The following MLLT10 variants were observed in gnomAD, a reference collection of about 807,000 sequenced individuals.
MLLT10 encodes protein AF-10.
MLLT10 carries 30 observed loss-of-function variants against 129.1 expected under a neutral mutation model. The observed-to-expected ratio is 0.23, with a 90% CI of 0.17 to 0.32. The LOEUF (loss-of-function observed/expected upper bound fraction) is 0.32, where lower values mean the gene tolerates loss of function less well. MLLT10 is among the 10% of genes least tolerant of loss of function. MLLT10 has a pLI of 1.00. For synonymous variants in MLLT10, 490 were observed against 446.4 expected (o/e 1.10, Z -1.23); for missense variants, 1,119 against 1,268.3 (o/e 0.88, Z 1.79).
chr10:21,668,648 C>A (rs114801302), intron 9 of MLLT10, among the ~76,000 whole-genome samples: 1 of 152,012 alleles, frequency 6.6e-6, no homozygotes, highest in Non-Finnish European at 1.5e-5. Flanking sequence ...ATTCATTGCT[C>A]TCTTTGTAAT....
intron 8 of MLLT10, among the ~76,000 whole-genome samples, chr10:21,618,633 G>T (rs908937843): frequency 6.6e-6 from 1 of 151,910 alleles, no homozygotes; most frequent in Non-Finnish European, 1.5e-5. Flanking sequence ...CTGTTGTTTG[G>T]CATTTATTTA....
chr10:21,597,055 A>G (rs1226667577), intron 5 of MLLT10, among the ~76,000 whole-genome samples: 1 of 151,902 alleles, frequency 6.6e-6, no homozygotes, highest in Non-Finnish European at 1.5e-5. Context: ...GTTTTTAAAA[A>G]CCTTGTTTTT....
chr10:21,673,762 G>C lies in MLLT10; in HGVS notation c.1464G>C (p.Glu488Asp). 1 of 1,614,126 alleles carries C rather than the reference G, an allele frequency of 6.2e-7. No individual in the cohort carries two copies. Among genetic ancestry groups the C allele is most frequent in the East Asian group, 2.2e-5 (1 of 44,874 alleles). Residue 488 changes from glutamate (E) to aspartate (D), a missense_variant, in exon 11 of 23, where the codon GAG becomes GAC. Around this residue, in one of 5 missense-constraint regions of MLLT10, gnomAD observed 1,004 missense variants for 1,008.7 expected, o/e 1.00. Transcript: ENST00000307729. Reference protein sequence around the residue: ...PGRPKGNKNQENVSHLSVSSA... With the variant: ...PGRPKGNKNQDNVSHLSVSSA... Reference sequence around the variant, plus strand: ...GACCCAAAGGAAACAAAAATCAAGAGAATGTTTCTCATCTCTCAGTTTCTT... The same window carrying C: ...GACCCAAAGGAAACAAAAATCAAGACAATGTTTCTCATCTCTCAGTTTCTT...
chr10:21,538,829 A>T lies in MLLT10; in HGVS notation c.161-4A>T. Reference sequence around the variant, plus strand: ...ACATTTTAACACATTTCATTTTTCAACAGCTTGCTATGGCATTGTTCAAGT... The same window carrying T: ...ACATTTTAACACATTTCATTTTTCATCAGCTTGCTATGGCATTGTTCAAGT... On this transcript the variant is annotated splice_region_variant and splice_polypyrimidine_tract_variant and intron_variant, in intron 2 of 22. Coordinates refer to ENST00000307729, the MANE Select transcript of MLLT10 (RefSeq NM_001195626.3). 6.2e-7 allele frequency: 1 copy of T among 1,606,466 alleles called. No individual in the cohort carries two copies. The highest frequency in any genetic ancestry group is 1.1e-5 in the South Asian group (1 of 89,782).
At chr10:21,648,506 G>A (rs189800399) in intron 8 of MLLT10, among the ~76,000 whole-genome samples, 1 of 152,254 alleles carries the variant, frequency 6.6e-6, no homozygotes, top group Admixed American at 6.5e-5. Flanking sequence ...AATTATCTCA[G>A]CTCTTATAAC....
intron 5 of MLLT10, among the ~76,000 whole-genome samples, chr10:21,610,902 T>A (rs542808050): frequency 6.6e-6 from 1 of 151,852 alleles, no homozygotes; most frequent in East Asian, 1.9e-4. Flanking sequence ...TTTGTTGTTA[T>A]TTGGGATTTT....
chr10:21,731,982 T>A (rs1589876186), intron 17 of MLLT10, among the ~76,000 whole-genome samples: 1 of 152,210 alleles, frequency 6.6e-6, no homozygotes, highest in Non-Finnish European at 1.5e-5. Context: ...CATGCCAGGC[T>A]AATCCTTTAA....
chr10:21,587,479 T>TC (rs1376804926), intron 4 of MLLT10, among the ~76,000 whole-genome samples: 1 of 151,724 alleles, frequency 6.6e-6, no homozygotes, highest in Admixed American at 6.6e-5. Flanking sequence ...TGGTATGCTT[T>TC]CCTATGAACC....
At chr10:21,598,490 T>A (rs575826916) in intron 5 of MLLT10, among the ~76,000 whole-genome samples, 37 of 152,334 alleles carry the variant, frequency 2.4e-4, no homozygotes, top group African/African-American at 8.9e-4. Context: ...TTATTGCTAC[T>A]CTCAGTCAGC....
intron 7 of MLLT10, 85 bp downstream of exon 7, chr10:21,615,009 A>C: frequency 1.8e-6 from 2 of 1,112,328 alleles, no homozygotes; most frequent in South Asian, 3.3e-5. Flanking sequence ...AAAGCATATA[A>C]CAGTTCCTTT....
intron 8 of MLLT10, among the ~76,000 whole-genome samples, chr10:21,642,268 G>A (rs947027221): frequency 6.6e-6 from 1 of 152,152 alleles, no homozygotes; most frequent in African/African-American, 2.4e-5. Flanking sequence ...CAGAAGAATG[G>A]CTTGAACCCG....
At chr10:21,581,415 T>A (rs1358828708) in intron 3 of MLLT10, among the ~76,000 whole-genome samples, 4 of 151,692 alleles carry the variant, frequency 2.6e-5, no homozygotes, top group Non-Finnish European at 2.9e-5. Context: ...AAAAATGCAC[T>A]TGTATAGGGC....
intron 13 of MLLT10, among the ~76,000 whole-genome samples, chr10:21,697,171 A>G (rs2054457769): frequency 6.6e-6 from 1 of 151,132 alleles, no homozygotes; most frequent in Non-Finnish European, 1.5e-5. Context: ...TTAGGGAATT[A>G]AAAGACAGAA....
At chr10:21,695,486 A>G (rs1249841308) in intron 13 of MLLT10, among the ~76,000 whole-genome samples, 1 of 152,152 alleles carries the variant, frequency 6.6e-6, no homozygotes, top group East Asian at 1.9e-4. Flanking sequence ...CCACTACAAG[A>G]TACTCTGTGT....
intron 5 of MLLT10, among the ~76,000 whole-genome samples, chr10:21,605,780 G>T (rs1454136081): frequency 1.3e-5 from 2 of 152,100 alleles, no homozygotes; most frequent in East Asian, 3.9e-4. Context: ...TTTTCTTAGT[G>T]GTAGTTGTAG....
intron 13 of MLLT10, among the ~76,000 whole-genome samples, chr10:21,705,290 A>C (rs2055385772): frequency 6.6e-6 from 1 of 152,142 alleles, no homozygotes; most frequent in Non-Finnish European, 1.5e-5. Flanking sequence ...GGGTAGGCCT[A>C]ACCTCAGATC....
intron 8 of MLLT10, among the ~76,000 whole-genome samples, chr10:21,619,904 CTCTTT>C (rs915964937): frequency 1.3e-5 from 2 of 150,864 alleles, no homozygotes; most frequent in African/African-American, 2.4e-5. Flanking sequence ...CCCTCCTTAC[CTCTTT>C]TAAGTTTTTT....
At chr10:21,539,683 T>C (rs906567230) in intron 3 of MLLT10, among the ~76,000 whole-genome samples, 45 of 152,154 alleles carry the variant, frequency 3.0e-4, no homozygotes, top group Admixed American at 9.8e-4. Flanking sequence ...GCAGGAGAAT[T>C]ACTTGAACCC....
At chr10:21,582,390 G>A (rs2041567350) in intron 3 of MLLT10, among the ~76,000 whole-genome samples, 3 of 152,062 alleles carry the variant, frequency 2.0e-5, no homozygotes, top group Non-Finnish European at 4.4e-5. Flanking sequence ...AAAATCCTGG[G>A]ATTATAGGTG....
Sources: allele counts gnomAD v4.1 joint callset (sites outside exome capture counted in the v4.1 genomes callset), GRCh38; gene constraint gnomAD v4.1.1; regional missense constraint gnomAD v4.1.1; transcripts MANE v1.5; gene names NCBI Gene and HGNC (gene_info 2026-07-23, HGNC 2026-07-21).